Variants in GIMAP8 observed in about 807,000 individuals in gnomAD.
GIMAP8 encodes the protein GTPase IMAP family member 8.
In GIMAP8, 29 loss-of-function variants were observed where a neutral mutation model predicts 35.6. That is an observed-to-expected ratio of 0.81 (90% CI 0.61 to 1.11). The LOEUF (loss-of-function observed/expected upper bound fraction) is 1.11. GIMAP8 is among the 50% of genes most tolerant of loss of function. GIMAP8 has a pLI of 0.00. For missense variants in GIMAP8, 811 were observed against 805.0 expected, an observed-to-expected ratio of 1.01 and a Z score of -0.09; for synonymous variants, 335 against 308.7, an observed-to-expected ratio of 1.09 and a Z score of -0.89.
At chr7:150,452,880 G>A (rs7790477) in intron 1 of GIMAP8, among the ~76,000 whole-genome samples, 6,021 of 150,588 alleles carry the variant, frequency 0.04, 408 homozygotes, top group African/African-American at 0.14. Flanking sequence ...GAGCCACTGC[G>A]CCCGGCCTCC....
chr7:150,459,685 C>T lies in GIMAP8; in HGVS notation c.-28-6986C>T, dbSNP rs556826032. On this transcript the variant is annotated intron_variant, in intron 1 of 4. Transcript: ENST00000307271. ...GGCCATTCCACTTTTCTATCAATTC[C>T]GCTCCTTCAGGATGGCAGGGAACAT... Among the ~76,000 whole-genome samples, 26 of 152,266 alleles carry T rather than the reference C, an allele frequency of 1.7e-4. No individual in the cohort carries two copies. The East Asian group carries it at 1.7e-3, about 10-fold the overall frequency.
In GIMAP8 at chr7:150,474,594, T is replaced by C; in HGVS notation, c.1265T>C (p.Met422Thr). ...GAGCTCCTGGAAAAAATTGAGAGCA[T>C]GGTGCATCAGAATGGGAACAAGCAT... is the stretch of plus-strand genomic sequence containing the variant. ...ADELLEKIES[M>T]VHQNGNKHCV... The change falls in exon 4 of 5, where the codon ATG (methionine) becomes ACG (threonine). Residue 422 changes from methionine (M) to threonine (T), a missense_variant. Transcript: ENST00000307271. 8 of 1,612,626 alleles carry C rather than the reference T, an allele frequency of 5.0e-6. No individual in the cohort carries two copies. Among genetic ancestry groups the C allele is most frequent in the Non-Finnish European group, 5.1e-6 (6 of 1,179,524 alleles).
chr7:150,461,592 A>T (rs1270626238), intron 1 of GIMAP8, among the ~76,000 whole-genome samples: 2 of 152,020 alleles, frequency 1.3e-5, no homozygotes, highest in Non-Finnish European at 2.9e-5. Context: ...CTTCACTCTC[A>T]TTCTATGTGC....
At chr7:150,468,509 C>T (rs571608006) in intron 2 of GIMAP8, among the ~76,000 whole-genome samples, 11 of 152,248 alleles carry the variant, frequency 7.2e-5, no homozygotes, top group East Asian at 1.9e-4. Context: ...ACATCAGTTA[C>T]GCATGTCCGT....
Position 150,474,264 on chromosome 7 carries a change from T to C in GIMAP8, c.935T>C (p.Ile312Thr), listed in dbSNP as rs148623287. ...CCGGACATCTCATCTTTAAAGAACA[T>C]TGACTCAGAAGTTAGAAAACACATC... ...DAPDISSLKN[I>T]DSEVRKHICT... The change falls in exon 4 of 5, where the codon ATT (isoleucine) becomes ACT (threonine). Residue 312 changes from isoleucine (I) to threonine (T), a missense_variant. Transcript: ENST00000307271. The C allele has an allele frequency of 3.1e-6, 5 of 1,614,148 alleles. No individual in the cohort carries two copies. Among genetic ancestry groups the C allele is most frequent in the South Asian group, 1.1e-5 (1 of 91,078 alleles).
At chr7:150,471,777 C>T (rs573193343) in intron 3 of GIMAP8, among the ~76,000 whole-genome samples, 1 of 151,260 alleles carries the variant, frequency 6.6e-6, no homozygotes, top group South Asian at 2.1e-4. Flanking sequence ...CGCAAGATTG[C>T]AGTGAGCTGA....
In GIMAP8 at chr7:150,466,761, G is replaced by T. The variant is rs770460277; in HGVS notation, c.63G>T (p.Ser21=). The T allele has an allele frequency of 1.2e-4, 201 of 1,614,068 alleles. No individual in the cohort carries two copies. The highest frequency in any genetic ancestry group is 1.5e-4 in the Non-Finnish European group (177 of 1,180,022). The change falls in exon 2 of 5, where the codon TCG becomes TCT. Residue 21 remains serine, a synonymous_variant. Coordinates refer to ENST00000307271, the MANE Select transcript of GIMAP8 (RefSeq NM_175571.4). The part of the protein sequence containing the change: ...LRLLLLGKCR[S]GKSATGNAIL... ...TCCTCCTCCTGGGAAAATGCCGCTCGGGAAAAAGTGCCACAGGAAATGCCA... is the reference window on the plus strand; with the variant it reads ...TCCTCCTCCTGGGAAAATGCCGCTCTGGAAAAAGTGCCACAGGAAATGCCA...
intron 1 of GIMAP8, among the ~76,000 whole-genome samples, chr7:150,460,681 T>A (rs1460165351): frequency 6.6e-6 from 1 of 152,202 alleles, no homozygotes; most frequent in Admixed American, 6.5e-5. Context: ...CAATTCATTG[T>A]AGGAAACTCC....
chr7:150,461,765 G>A (rs1278272231), intron 1 of GIMAP8, among the ~76,000 whole-genome samples: 1 of 152,154 alleles, frequency 6.6e-6, no homozygotes, highest in Non-Finnish European at 1.5e-5. Flanking sequence ...CTTTAAATTG[G>A]TGAATTTAAT....
At chr7:150,452,575 GTATGTATATATGTATATA>G (rs911198622) in intron 1 of GIMAP8, among the ~76,000 whole-genome samples, 2 of 144,620 alleles carry the variant, frequency 1.4e-5, no homozygotes, top group East Asian at 2.0e-4. Flanking sequence ...ATGTGTGTGT[GTATGTATATATGTATATA>G]TATGTATATA....
chr7:150,471,375 G>C (rs1802086170), intron 3 of GIMAP8, among the ~76,000 whole-genome samples: 1 of 152,164 alleles, frequency 6.6e-6, no homozygotes, highest in African/African-American at 2.4e-5. Context: ...TCACAATGTG[G>C]ACACACAAAA....
chr7:150,469,008 G>T (rs1447388007), intron 2 of GIMAP8, among the ~76,000 whole-genome samples: 1 of 152,102 alleles, frequency 6.6e-6, no homozygotes, highest in African/African-American at 2.4e-5. Context: ...GAGAAGAATG[G>T]GTGTGTAGTA....
At chr7:150,476,805 A>G (rs1306986330) in intron 4 of GIMAP8, among the ~76,000 whole-genome samples, 1 of 152,156 alleles carries the variant, frequency 6.6e-6, no homozygotes, top group Non-Finnish European at 1.5e-5. Context: ...AGGTGCTGCA[A>G]AAAGGGAGCA....
chr7:150,464,398 T>C (rs988564368), intron 1 of GIMAP8, among the ~76,000 whole-genome samples: 3 of 152,224 alleles, frequency 2.0e-5, no homozygotes, highest in African/African-American at 7.2e-5. Context: ...GAGGAAATTA[T>C]GGGCTGAACA....
chr7:150,462,535 T>C (rs1342992037), intron 1 of GIMAP8, among the ~76,000 whole-genome samples: 2 of 152,262 alleles, frequency 1.3e-5, no homozygotes, highest in Non-Finnish European at 2.9e-5. Flanking sequence ...CCAGTGGTAA[T>C]AGATTACCTC....
chr7:150,477,935 T>C lies in GIMAP8; in HGVS notation c.*155T>C, dbSNP rs1802278140. The C allele has an allele frequency of 1.6e-6, 1 of 610,522 alleles. No individual in the cohort carries two copies. The allele number at this position is 610,522 out of a possible 1,614,324, so 37.8% of individuals were successfully genotyped here. ...CGCCTTGTGATGTATCAGCTATTTG[T>C]AGATAAATAAATTGCAGGTGGGGGC... is the stretch of plus-strand genomic sequence containing the variant. On this transcript the variant is annotated 3_prime_UTR_variant, in exon 5 of 5. Coordinates refer to ENST00000307271, the MANE Select transcript of GIMAP8 (RefSeq NM_175571.4).
At chr7:150,456,733 A>G (rs1325969016) in intron 1 of GIMAP8, among the ~76,000 whole-genome samples, 4 of 152,234 alleles carry the variant, frequency 2.6e-5, no homozygotes, top group Non-Finnish European at 5.9e-5. Context: ...GGCGATGTGT[A>G]AAAGAGAAGG....
At position 150,467,215 on chromosome 7, in the gene GIMAP8, A is replaced by G. The variant is rs753219773; in HGVS notation, c.517A>G (p.Asn173Asp). The G allele has an allele frequency of 6.2e-7, 1 of 1,614,226 alleles. No homozygotes were observed. The highest frequency in any genetic ancestry group is 1.7e-5 in the Admixed American group (1 of 60,028). Residue 173 changes from asparagine (N) to aspartate (D), a missense_variant, in exon 2 of 5, where the codon AAT (asparagine) becomes GAT (aspartate). Transcript: ENST00000307271. ...ATACTGCATTTTCAACAACAAGACC[A>G]ATAGTAAGGATGAGCAGATCACCCA... ...GRYCIFNNKTNSKDEQITQVL... is the reference protein window; with the variant it reads ...GRYCIFNNKTDSKDEQITQVL...
rs560107270 is a variant in GIMAP8, at chr7:150,451,680, A to G, written c.-29+505A>G. On this transcript the variant is annotated intron_variant, in intron 1 of 4. Coordinates refer to ENST00000307271, the MANE Select transcript of GIMAP8 (RefSeq NM_175571.4). This position sits in a 1 kb window ranked among gnomAD's most constrained non-coding sequence, Gnocchi z 4.1. Reference sequence around the variant, plus strand: ...GCAGAGCAGCCCCCAGGAGGAAGCCAGCGGAGCTCCTCCCGCAAAGCAGGG... The same window carrying G: ...GCAGAGCAGCCCCCAGGAGGAAGCCGGCGGAGCTCCTCCCGCAAAGCAGGG... Among the ~76,000 whole-genome samples, 42 of 152,322 alleles carry G rather than the reference A, an allele frequency of 2.8e-4. No individual in the cohort carries two copies. Among genetic ancestry groups the G allele is most frequent in the Non-Finnish European group, 2.4e-4 (16 of 68,018 alleles).
Sources: allele counts gnomAD v4.1 joint callset (sites outside exome capture counted in the v4.1 genomes callset), GRCh38; gene constraint gnomAD v4.1.1; non-coding constraint Gnocchi (gnomAD v3.1); transcripts MANE v1.5; gene names NCBI Gene and HGNC (gene_info 2026-07-23, HGNC 2026-07-21).